Variants in NF1 observed in about 807,000 individuals in gnomAD.
NF1 encodes the protein neurofibromin.
A neutral mutation model predicts 325.7 loss-of-function variants in NF1; 122 were observed. The ratio of observed to expected loss-of-function variants is 0.37; its 90% CI spans 0.32 to 0.44. NF1 has a LOEUF of 0.44. Ranked by LOEUF, NF1 falls within the 20% of genes least tolerant of loss-of-function variation. NF1 has a pLI of 1.00. For synonymous variants in NF1, 1,091 were observed against 1,186.0 expected (o/e 0.92, Z 1.65); for missense variants, 2,140 against 3,415.4 (o/e 0.63, Z 9.31).
chr17:31,243,778 C>A (rs2067344757), intron 29 of NF1, among the ~76,000 whole-genome samples: 1 of 151,898 alleles, frequency 6.6e-6, no homozygotes, highest in Admixed American at 6.6e-5. Context: ...GAATCTGGGA[C>A]CCCAGGAGCC....
At chr17:31,305,518 T>A (rs1177741720) in intron 36 of NF1, 3 of 1,614,112 alleles carry the variant, frequency 1.9e-6, no homozygotes, top group Admixed American at 3.3e-5. Context: ...AGGCTGTGAC[T>A]GCTTCTCTGT....
At chr17:31,181,953 A>G (rs562995780) in intron 7 of NF1, among the ~76,000 whole-genome samples, 168 bp downstream of exon 7, 4 of 152,272 alleles carry the variant, frequency 2.6e-5, no homozygotes, top group African/African-American at 9.6e-5. Context: ...ACATTTCTAA[A>G]TTAGGCCCAA....
At chr17:31,315,035 T>G (rs2068984982) in intron 36 of NF1, among the ~76,000 whole-genome samples, 1 of 152,210 alleles carries the variant, frequency 6.6e-6, no homozygotes, top group Admixed American at 6.5e-5. Context: ...AGTTTTGATT[T>G]GCATTTCTCT....
chr17:31,231,470 C>T (rs1278968841), intron 24 of NF1, among the ~76,000 whole-genome samples: 1 of 152,088 alleles, frequency 6.6e-6, no homozygotes, highest in Non-Finnish European at 1.5e-5. Context: ...GGATTGGTTC[C>T]AAGAACCACT....
At chr17:31,340,756 T>G in intron 47 of NF1, 111 bp downstream of exon 47, 1 of 1,136,356 alleles carries the variant, frequency 8.8e-7, no homozygotes, top group Non-Finnish European at 1.3e-6. Context: ...TAAGTAGGAA[T>G]TTGTATAATG....
intron 36 of NF1, among the ~76,000 whole-genome samples, chr17:31,323,485 T>C (rs529462237): frequency 1.3e-4 from 20 of 152,260 alleles, no homozygotes; most frequent in Middle Eastern, 3.4e-3. Flanking sequence ...ACTGCATTTT[T>C]ATCAAGCACC....
Position 31,185,346 on chromosome 17 carries a change from C to T in NF1, c.888+2681C>T, listed in dbSNP as rs151071030. On this transcript the variant is annotated intron_variant, in intron 8 of 57. Coordinates refer to ENST00000358273, the MANE Select transcript of NF1 (RefSeq NM_001042492.3). The stretch of plus-strand genomic sequence containing the variant: ...TATAAACAAATCTTACTTGGAGAGA[C>T]CTTGGTCATGTTTCACTTCCACAAC... Among the ~76,000 whole-genome samples the T allele has an allele frequency of 2.0e-5, 3 of 152,246 alleles. No individual in the cohort carries two copies. The East Asian group carries it at 5.8e-4, about 29-fold the overall frequency.
chr17:31,140,980 A>G (rs1916168636), intron 1 of NF1, among the ~76,000 whole-genome samples: 2 of 152,360 alleles, frequency 1.3e-5, no homozygotes, highest in African/African-American at 4.8e-5. Flanking sequence ...TATAGATAAT[A>G]AAATAGCAGA....
chr17:31,338,306 G>A (rs2069733125), intron 45 of NF1, among the ~76,000 whole-genome samples, 167 bp downstream of exon 45: 1 of 152,112 alleles, frequency 6.6e-6, no homozygotes, highest in East Asian at 1.9e-4. Context: ...ATTCTTTGAA[G>A]AAGTCTTCTC....
intron 14 of NF1, among the ~76,000 whole-genome samples, chr17:31,220,081 G>C (rs1311946675): frequency 6.6e-6 from 1 of 152,166 alleles, no homozygotes; most frequent in Non-Finnish European, 1.5e-5. Flanking sequence ...GCTAAGTCGT[G>C]TGGTAACTCT....
At chr17:31,193,793 A>G (rs1460277841) in intron 8 of NF1, among the ~76,000 whole-genome samples, 1 of 152,158 alleles carries the variant, frequency 6.6e-6, no homozygotes, top group Non-Finnish European at 1.5e-5. Flanking sequence ...AAAAAGCTCA[A>G]CATCACTAGT....
chr17:31,295,677 C>T lies in NF1; in HGVS notation c.4836-30143C>T, dbSNP rs146422275. On this transcript the variant is annotated intron_variant, in intron 36 of 57. Coordinates refer to ENST00000358273, the MANE Select transcript of NF1 (RefSeq NM_001042492.3). ...CACCTGTTATTGTAAAGGGTTATCT[C>T]TTGCAACTGAAAGAGTTGGTCAAAA... 7 of 1,613,986 alleles carry T rather than the reference C, an allele frequency of 4.3e-6. No individual in the cohort carries two copies. The African/African-American group carries it at 8.0e-5, about 18-fold the overall frequency.
At chr17:31,108,277 T>G (rs1422243666) in intron 1 of NF1, among the ~76,000 whole-genome samples, 6 of 138,968 alleles carry the variant, frequency 4.3e-5, no homozygotes, top group African/African-American at 1.1e-4. Flanking sequence ...TTTTTTTTTT[T>G]TTTTTTTTTT....
chr17:31,328,210 G>A (rs2069396913), intron 38 of NF1, among the ~76,000 whole-genome samples: 1 of 152,066 alleles, frequency 6.6e-6, no homozygotes, highest in African/African-American at 2.4e-5. Flanking sequence ...CTTTACAAAA[G>A]AAGGCCTAAT....
chr17:31,343,879 C>T (rs1168598763), intron 48 of NF1, among the ~76,000 whole-genome samples: 3 of 151,696 alleles, frequency 2.0e-5, no homozygotes, highest in African/African-American at 4.8e-5. Flanking sequence ...TCACTTGAGC[C>T]CAGGAGGTCA....
At position 31,095,197 on chromosome 17, in the gene NF1, C is replaced by T. The variant is rs1911532789; in HGVS notation, c.-113C>T. The T allele has an allele frequency of 1.0e-6, 1 of 991,422 alleles. No individual in the cohort carries two copies. Among genetic ancestry groups the T allele is most frequent in the South Asian group, 1.4e-5 (1 of 73,060 alleles). 61.4% of individuals were successfully genotyped at this position (991,422 alleles called of 1,614,324 possible). Reference sequence around the variant, plus strand: ...GTGGGAACACTGGGAGCCTGCACTCCACAGACCCTCTCCTTGCCTCTTCCC... The same window carrying T: ...GTGGGAACACTGGGAGCCTGCACTCTACAGACCCTCTCCTTGCCTCTTCCC... On this transcript the variant is annotated 5_prime_UTR_variant, in exon 1 of 58. Coordinates refer to ENST00000358273, the MANE Select transcript of NF1 (RefSeq NM_001042492.3).
At position 31,334,772 on chromosome 17, in the gene NF1, T is replaced by C. The variant is rs561121762; in HGVS notation, c.5813-66T>C. 3.4e-5 allele frequency: 45 copies of C among 1,313,820 alleles called. No individual in the cohort carries two copies. In the Middle Eastern group the frequency reaches 6.1e-4, roughly 18 times the overall value. The allele number at this position is 1,313,820 out of a possible 1,614,324, so 81.4% of individuals were successfully genotyped here. On this transcript the variant is annotated intron_variant, in intron 39 of 57. Coordinates refer to ENST00000358273, the MANE Select transcript of NF1 (RefSeq NM_001042492.3). ...TTTACCATTTTTTCCCCGAATTCTTTATGTTAAATAATTGTTGATGTGATT... is the reference window on the plus strand; with the variant it reads ...TTTACCATTTTTTCCCCGAATTCTTCATGTTAAATAATTGTTGATGTGATT...
At chr17:31,345,768 C>T (rs2069961123) in intron 48 of NF1, 4 of 1,611,054 alleles carry the variant, frequency 2.5e-6, no homozygotes, top group African/African-American at 2.7e-5. Flanking sequence ...GCGTGGCCAG[C>T]ACTGGCTCCT....
In NF1 at chr17:31,232,067, TTTCAG is replaced by T; in HGVS notation, c.3198-5_3198-1del. The T allele has an allele frequency of 1.4e-6, 2 of 1,415,306 alleles. No individual in the cohort carries two copies. Among genetic ancestry groups the T allele is most frequent in the Middle Eastern group, 2.5e-4 (1 of 3,982 alleles). The allele number at this position is 1,415,306 out of a possible 1,614,324, so 87.7% of individuals were successfully genotyped here. A position where few individuals can be genotyped will look rare whatever the true frequency, so the allele number is the denominator to read the frequency against. On this transcript the variant is annotated splice_acceptor_variant and splice_polypyrimidine_tract_variant and intron_variant, in intron 24 of 57. Transcript: ENST00000358273. LOFTEE classifies it high-confidence loss of function. ...AATTTTTTTTTTTTTTTTTTTTTTT[TTTCAG>T]AGATTTGGACCAGGCAAGCATGGAA...
Sources: gnomAD v4.1 joint callset for allele counts (sites outside exome capture counted in the v4.1 genomes callset) on GRCh38, gnomAD v4.1.1 for gene constraint, MANE v1.5 for transcripts, NCBI Gene and HGNC (gene_info 2026-07-23, HGNC 2026-07-21) for gene names.